STPG2: variants seen among roughly 807,000 people sequenced by gnomAD.
STPG2 encodes the protein sperm-tail PG-rich repeat-containing protein 2.
Under a neutral mutation model 54.2 loss-of-function variants are expected in STPG2, and 56 were observed. The ratio of observed to expected loss-of-function variants is 1.03; its 90% CI spans 0.83 to 1.29. The LOEUF (loss-of-function observed/expected upper bound fraction) is 1.29. STPG2 is among the 50% of genes most tolerant of loss of function. STPG2 has a pLI of 0.00. For synonymous variants in STPG2, 200 were observed against 181.8 expected (o/e 1.10, Z -0.81); for missense variants, 596 against 544.9 (o/e 1.09, Z -0.93).
At chr4:98,102,930 A>G (rs1739087493) in intron 5 of STPG2, among the ~76,000 whole-genome samples, 1 of 149,614 alleles carries the variant, frequency 6.7e-6, no homozygotes, top group African/African-American at 2.4e-5. Context: ...AATCATATAT[A>G]TTATATATTC....
At chr4:97,639,132 T>A (rs1442191686) in intron 10 of STPG2, among the ~76,000 whole-genome samples, 130 of 152,026 alleles carry the variant, frequency 8.6e-4, no homozygotes, top group Non-Finnish European at 1.3e-4. Flanking sequence ...TAAGAAAATG[T>A]GGCACATATA....
At chr4:97,975,269 A>G (rs1734461997) in intron 6 of STPG2, among the ~76,000 whole-genome samples, 1 of 127,048 alleles carries the variant, frequency 7.9e-6, no homozygotes, top group African/African-American at 3.0e-5. Flanking sequence ...TAAATGAATA[A>G]TATTTATTAT....
At chr4:97,613,262 G>A (rs72684434) in intron 10 of STPG2, among the ~76,000 whole-genome samples, 1 of 152,116 alleles carries the variant, frequency 6.6e-6, no homozygotes, top group Non-Finnish European at 1.5e-5. Flanking sequence ...TCCTTATCAT[G>A]ACCTTGGCAG....
At position 97,924,858 on chromosome 4, in the gene STPG2, G is replaced by T. The variant is rs77190236; in HGVS notation, c.1044+19039C>A. On this transcript the variant is annotated intron_variant, in intron 8 of 10. Transcript: ENST00000295268. ...ATCTCTGTATCATTTTTAATATATT[G>T]TCCCTCTTTTCACTCCCACATTTTC... 1.5e-3 allele frequency among the ~76,000 whole-genome samples: 228 copies of T among 152,164 alleles called. 5 individuals carry two copies. In the East Asian group the frequency reaches 0.043, roughly 29 times the overall value.
chr4:98,098,015 A>G (rs1393377244), intron 5 of STPG2, among the ~76,000 whole-genome samples: 1 of 152,168 alleles, frequency 6.6e-6, no homozygotes, highest in Admixed American at 6.6e-5. Flanking sequence ...ATCGATTGGA[A>G]GAATCAATAC....
intron 5 of STPG2, among the ~76,000 whole-genome samples, chr4:97,985,583 T>C (rs868703487): frequency 1.3e-5 from 2 of 152,226 alleles, no homozygotes; most frequent in Non-Finnish European, 2.9e-5. Context: ...ACTTTGTTAA[T>C]TGTGTTATTT....
intron 4 of STPG2, among the ~76,000 whole-genome samples, chr4:97,442,343 G>T (rs1171297250): frequency 1.3e-5 from 2 of 151,538 alleles, no homozygotes; most frequent in Middle Eastern, 3.2e-3. Flanking sequence ...ACAGCTATTT[G>T]AACATGTTAA....
intron 9 of STPG2, among the ~76,000 whole-genome samples, chr4:97,725,624 C>T (rs190895004): frequency 2.7e-5 from 4 of 150,332 alleles, no homozygotes; most frequent in East Asian, 2.0e-4. Flanking sequence ...AGTAAAAAGG[C>T]AGAGAGAGAG....
intron 6 of STPG2, among the ~76,000 whole-genome samples, chr4:97,974,756 C>A (rs1317049772): frequency 6.6e-6 from 1 of 151,932 alleles, no homozygotes; most frequent in Non-Finnish European, 1.5e-5. Context: ...CCATGTGGAA[C>A]TGTAAGTCCA....
chr4:97,913,960 G>A (rs1198173531), intron 8 of STPG2, among the ~76,000 whole-genome samples: 1 of 151,976 alleles, frequency 6.6e-6, no homozygotes, highest in Non-Finnish European at 1.5e-5. Context: ...AATTATAATT[G>A]CAAATCCTGA....
At chr4:97,593,845 G>A (rs1733210404) in intron 10 of STPG2, among the ~76,000 whole-genome samples, 1 of 151,454 alleles carries the variant, frequency 6.6e-6, no homozygotes, top group South Asian at 2.1e-4. Flanking sequence ...CAAAACCAGG[G>A]GCTAGGTAAC....
intron 10 of STPG2, among the ~76,000 whole-genome samples, chr4:97,665,288 AC>A (rs1430385906): frequency 6.6e-6 from 1 of 152,166 alleles, no homozygotes; most frequent in Non-Finnish European, 1.5e-5. Context: ...CTTGTCTCAC[AC>A]CCAGGAAGAA....
In STPG2 at chr4:97,538,564, C is replaced by G. The variant is rs368157063; in HGVS notation, c.462+174135G>C. Among the ~76,000 whole-genome samples the G allele has an allele frequency of 5.1e-4, 78 of 152,130 alleles. 1 individual carries two copies. Among genetic ancestry groups the G allele is most frequent in the Non-Finnish European group, 6.3e-4 (43 of 68,022 alleles). ...ATGTGAAAAGACCAAATCTACGTCT[C>G]ATTGGTGTACCTGAAAGTGATGGGG... On this transcript the variant is annotated intron_variant, in intron 4 of 4. Coordinates refer to the STPG2 transcript ENST00000522676.
chr4:98,126,164 G>A (rs765238011), intron 3 of STPG2, among the ~76,000 whole-genome samples: 64 of 152,192 alleles, frequency 4.2e-4, no homozygotes, highest in Non-Finnish European at 3.1e-4. Context: ...CATGGGAGGG[G>A]GGCCCACTGA....
chr4:97,644,307 T>G (rs1721847874), intron 10 of STPG2, among the ~76,000 whole-genome samples: 1 of 151,968 alleles, frequency 6.6e-6, no homozygotes, highest in Non-Finnish European at 1.5e-5. Context: ...TTCTTTCCCT[T>G]TCAAAGAAAA....
intron 8 of STPG2, among the ~76,000 whole-genome samples, chr4:97,913,428 A>C (rs1731755019): frequency 6.6e-6 from 1 of 152,226 alleles, no homozygotes. Flanking sequence ...ATCCAAGTTG[A>C]GACATCAGAG....
chr4:97,940,051 C>T (rs1049534523), intron 8 of STPG2, among the ~76,000 whole-genome samples: 4 of 152,198 alleles, frequency 2.6e-5, no homozygotes, highest in African/African-American at 9.6e-5. Context: ...ATTTCTCCTT[C>T]ACTTAGGAAT....
intron 7 of STPG2, among the ~76,000 whole-genome samples, chr4:97,966,777 A>C (rs1485742335): frequency 6.6e-6 from 1 of 152,240 alleles, no homozygotes; most frequent in African/African-American, 2.4e-5. Flanking sequence ...ACTAAGCTTC[A>C]TAAGTAAAAA....
At position 98,109,319 on chromosome 4, in the gene STPG2, A is replaced by G; in HGVS notation, c.388-14T>C. ...ATTGGAAACATCCTAAAAAATAAAAAGTTTTAAAAAGTGAGGATGAAACAT... is the reference window on the plus strand; with the variant it reads ...ATTGGAAACATCCTAAAAAATAAAAGGTTTTAAAAAGTGAGGATGAAACAT... On this transcript the variant is annotated splice_polypyrimidine_tract_variant and intron_variant, in intron 3 of 10. Transcript: ENST00000295268. 1 of 1,557,702 alleles carries G rather than the reference A, an allele frequency of 6.4e-7. No individual in the cohort carries two copies. Among genetic ancestry groups the G allele is most frequent in the South Asian group, 1.1e-5 (1 of 87,380 alleles).
Sources: allele counts gnomAD v4.1 joint callset (sites outside exome capture counted in the v4.1 genomes callset), GRCh38; gene constraint gnomAD v4.1.1; transcripts MANE v1.5; gene names NCBI Gene and HGNC (gene_info 2026-07-23, HGNC 2026-07-21).